The following ZNF254 variants were observed in gnomAD, a reference collection of about 807,000 sequenced individuals.
ZNF254 encodes the protein CTD-2017D11.1.
A neutral mutation model predicts 12.4 loss-of-function variants in ZNF254; 10 were observed. The observed-to-expected ratio is 0.80, with a 90% CI of 0.50 to 1.36. ZNF254 has a LOEUF of 1.36. Among genes scored for constraint, ZNF254 ranks in the 40% most tolerant of loss-of-function variants. The probability of loss-of-function intolerance (pLI) is 0.00; values close to 1 mark genes in which losing one functional copy is unlikely to be tolerated. For synonymous variants in ZNF254, 305 were observed against 253.4 expected (o/e 1.20, Z -1.93); for missense variants, 996 against 763.9 (o/e 1.30, Z -3.58).
chr19:24,085,619 G>T (rs1972009748), upstream of ZNF254, among the ~76,000 whole-genome samples: 1 of 151,212 alleles, frequency 6.6e-6, no homozygotes, highest in Non-Finnish European at 1.5e-5. Flanking sequence ...TTAAAATACA[G>T]AAATAAACCG....
intron 1 of ZNF254, among the ~76,000 whole-genome samples, chr19:24,088,927 T>C (rs1396051579): frequency 6.6e-6 from 1 of 150,754 alleles, no homozygotes; most frequent in Non-Finnish European, 1.5e-5. Context: ...CAAGAGCTGG[T>C]ATTACAGACG....
chr19:24,054,061 T>TG (rs1267347656), intron 2 of ZNF254, among the ~76,000 whole-genome samples: 3 of 152,066 alleles, frequency 2.0e-5, no homozygotes, highest in African/African-American at 7.2e-5. Context: ...TTGTGACATA[T>TG]CCCTGGAACC....
At chr19:24,055,197 T>G (rs1568429739) in intron 2 of ZNF254, among the ~76,000 whole-genome samples, 1 of 75,534 alleles carries the variant, frequency 1.3e-5, no homozygotes, top group African/African-American at 4.7e-5. Context: ...TGCGAGACTC[T>G]GTCTCACCAA....
At chr19:24,033,626 G>C in intron 1 of ZNF254, 4 of 409,536 alleles carry the variant, frequency 9.8e-6, no homozygotes, top group Admixed American at 2.9e-5. Context: ...GAAAGGGTGA[G>C]TGTGCGGGGT....
intron 3 of ZNF254, among the ~76,000 whole-genome samples, chr19:24,121,591 C>CT (rs1335130085): frequency 6.6e-6 from 1 of 151,930 alleles, no homozygotes; most frequent in African/African-American, 2.4e-5. Context: ...GAGTTTTGCT[C>CT]TTCTTGACCA....
chr19:24,036,345 C>T (rs1299689971), intron 1 of ZNF254, among the ~76,000 whole-genome samples: 2 of 152,118 alleles, frequency 1.3e-5, no homozygotes, highest in African/African-American at 2.4e-5. Flanking sequence ...GTGTGAGCCA[C>T]CGCGCCTGGC....
chr19:24,048,212 G>T (rs1010087819), intron 2 of ZNF254, among the ~76,000 whole-genome samples: 1 of 151,972 alleles, frequency 6.6e-6, no homozygotes, highest in Non-Finnish European at 1.5e-5. Context: ...CTGGCCACAC[G>T]TTTGGGTTGA....
At chr19:24,066,954 A>G (rs1430558914) in intron 2 of ZNF254, 3 of 152,158 alleles carry the variant, frequency 2.0e-5, no homozygotes, top group Non-Finnish European at 4.4e-5. Flanking sequence ...CACCAATCCT[A>G]CAGGTGATGT....
At chr19:24,075,144 C>A (rs1301669056) in intron 2 of ZNF254, among the ~76,000 whole-genome samples, 1 of 152,214 alleles carries the variant, frequency 6.6e-6, no homozygotes, top group Middle Eastern at 3.2e-3. Flanking sequence ...CTTCTTATGA[C>A]TGGAACCTGC....
chr19:24,046,628 C>T (rs1970400417), intron 2 of ZNF254, among the ~76,000 whole-genome samples: 1 of 151,924 alleles, frequency 6.6e-6, no homozygotes, highest in Admixed American at 6.6e-5. Flanking sequence ...AAAGAAACCA[C>T]AGGATTCAAA....
intron 1 of ZNF254, among the ~76,000 whole-genome samples, chr19:24,042,454 A>G (rs1970212193): frequency 6.6e-6 from 1 of 152,162 alleles, no homozygotes; most frequent in Non-Finnish European, 1.5e-5. Context: ...AAATCTTGCT[A>G]CTGCTCACTC....
At chr19:24,087,415 C>T (rs1380559728) in intron 1 of ZNF254, 78 bp downstream of exon 1, 47 of 1,581,874 alleles carry the variant, frequency 3.0e-5, no homozygotes, top group Non-Finnish European at 3.9e-5. Flanking sequence ...TGGCGGGACT[C>T]AGGCCTCCCC....
At chr19:24,088,581 C>A (rs1349947598) in intron 1 of ZNF254, among the ~76,000 whole-genome samples, 1 of 152,108 alleles carries the variant, frequency 6.6e-6, no homozygotes, top group Non-Finnish European at 1.5e-5. Flanking sequence ...ATGTCCCCTC[C>A]CTAATTCACT....
At chr19:24,078,974 G>A (rs1239189748) in intron 2 of ZNF254, 1 of 152,196 alleles carries the variant, frequency 6.6e-6, no homozygotes, top group Non-Finnish European at 1.5e-5. Flanking sequence ...TGGGTTAAGA[G>A]TGTGCCCTTT....
At chr19:24,088,823 A>C (rs1187255679) in intron 1 of ZNF254, among the ~76,000 whole-genome samples, 2 of 151,678 alleles carry the variant, frequency 1.3e-5, no homozygotes, top group East Asian at 3.9e-4. Context: ...CGCCTGGCTA[A>C]TTTTTGTATT....
intron 2 of ZNF254, among the ~76,000 whole-genome samples, chr19:24,054,533 T>C (rs1970767849): frequency 1.3e-5 from 2 of 152,180 alleles, no homozygotes; most frequent in Admixed American, 1.3e-4. Context: ...AAACGTGTTA[T>C]CCCAGGGCAC....
At chr19:24,067,196 C>G (rs1971307685) in intron 2 of ZNF254, among the ~76,000 whole-genome samples, 1 of 151,942 alleles carries the variant, frequency 6.6e-6, no homozygotes, top group Non-Finnish European at 1.5e-5. Flanking sequence ...TGCCCGTCAA[C>G]TATTTTATGT....
chr19:24,094,244 T>C (rs764711145), intron 1 of ZNF254, among the ~76,000 whole-genome samples: 1 of 152,170 alleles, frequency 6.6e-6, no homozygotes, highest in African/African-American at 2.4e-5. Context: ...TCTCTTCCTG[T>C]TTAAATGCCT....
chr19:24,036,620 C>T (rs1969977477), intron 1 of ZNF254, among the ~76,000 whole-genome samples: 1 of 152,136 alleles, frequency 6.6e-6, no homozygotes, highest in Admixed American at 6.5e-5. Context: ...GCAAACTCCA[C>T]ACATTTGTTG....
Sources: gnomAD v4.1 joint callset for allele counts (sites outside exome capture counted in the v4.1 genomes callset) on GRCh38, gnomAD v4.1.1 for gene constraint, MANE v1.5 for transcripts, NCBI Gene and HGNC (gene_info 2026-07-23, HGNC 2026-07-21) for gene names.